Variants in MCC observed in about 807,000 individuals in gnomAD.
MCC encodes MCC regulator of Wnt signaling pathway, also known as colorectal mutant cancer protein.
Under a neutral mutation model 116.2 loss-of-function variants are expected in MCC, and 90 were observed. The observed-to-expected ratio is 0.77, with a 90% CI of 0.65 to 0.92. The LOEUF is 0.92. Among genes scored for constraint, MCC ranks in the 40% least tolerant of loss-of-function variants. The probability of loss-of-function intolerance (pLI) is 0.00; values close to 1 mark genes in which losing one functional copy is unlikely to be tolerated. For synonymous variants in MCC, 578 were observed against 510.5 expected (o/e 1.13, Z -1.78); for missense variants, 1,516 against 1,312.2 (o/e 1.16, Z -2.40).
intron 17 of MCC, among the ~76,000 whole-genome samples, chr5:113,038,546 A>T (rs554816663): frequency 1.4e-4 from 21 of 152,234 alleles, no homozygotes; most frequent in Admixed American, 1.3e-3. Flanking sequence ...GAGGATGGGA[A>T]CATCCGGATC....
chr5:113,261,911 A>C (rs1336336494), intron 3 of MCC, among the ~76,000 whole-genome samples: 1 of 152,152 alleles, frequency 6.6e-6, no homozygotes, highest in Non-Finnish European at 1.5e-5. Context: ...CCTAAAAGCT[A>C]TTTTCATTAA....
chr5:113,409,749 C>T (rs1031140524), intron 1 of MCC, among the ~76,000 whole-genome samples: 1 of 152,112 alleles, frequency 6.6e-6, no homozygotes, highest in Non-Finnish European at 1.5e-5. Context: ...CTCTCTCATT[C>T]CCACCCCACT....
intron 1 of MCC, among the ~76,000 whole-genome samples, 196 bp downstream of exon 1, chr5:113,488,049 C>T (rs987455203): frequency 5.9e-5 from 9 of 152,106 alleles, no homozygotes; most frequent in Non-Finnish European, 8.8e-5. Context: ...CAACTGGCAC[C>T]CCCGCAAGGC....
chr5:113,188,777 T>G (rs570873962), intron 3 of MCC, among the ~76,000 whole-genome samples: 2 of 152,216 alleles, frequency 1.3e-5, no homozygotes, highest in African/African-American at 4.8e-5. Flanking sequence ...AAGAATAATG[T>G]GCCCAGGGCC....
chr5:113,237,325 A>C (rs909877963), intron 3 of MCC, among the ~76,000 whole-genome samples: 1 of 152,214 alleles, frequency 6.6e-6, no homozygotes, highest in Non-Finnish European at 1.5e-5. Context: ...TAATACCACA[A>C]AAATTTCTGA....
At chr5:113,199,283 G>A (rs1762574401) in intron 3 of MCC, among the ~76,000 whole-genome samples, 1 of 152,148 alleles carries the variant, frequency 6.6e-6, no homozygotes, top group African/African-American at 2.4e-5. Flanking sequence ...TCTGAGGTCC[G>A]AGTGTAAATA....
intron 4 of MCC, among the ~76,000 whole-genome samples, chr5:113,149,743 T>C (rs1198734511): frequency 6.6e-6 from 1 of 152,092 alleles, no homozygotes; most frequent in Non-Finnish European, 1.5e-5. Flanking sequence ...AACAAAGCAC[T>C]TACACAGTAA....
intron 2 of MCC, among the ~76,000 whole-genome samples, chr5:113,383,326 T>C (rs1313024257): frequency 1.3e-5 from 2 of 152,314 alleles, no homozygotes; most frequent in East Asian, 1.9e-4. Context: ...AATCTGAAAA[T>C]ACAGCTTAGC....
At chr5:113,431,505 G>T (rs927085460) in intron 1 of MCC, among the ~76,000 whole-genome samples, 4 of 152,082 alleles carry the variant, frequency 2.6e-5, no homozygotes, top group Non-Finnish European at 5.9e-5. Flanking sequence ...TCCAAGCAAG[G>T]TCACATCTTG....
intron 5 of MCC, among the ~76,000 whole-genome samples, chr5:113,139,036 C>T (rs1184072735): frequency 6.6e-6 from 1 of 152,086 alleles, no homozygotes; most frequent in African/African-American, 2.4e-5. Context: ...CTTTAGTAGG[C>T]TGCCCATTTA....
At chr5:113,217,069 T>C (rs779277140) in intron 3 of MCC, among the ~76,000 whole-genome samples, 26 of 152,254 alleles carry the variant, frequency 1.7e-4, no homozygotes, top group Non-Finnish European at 3.4e-4. Flanking sequence ...AGCTATGTTA[T>C]AGCATCACAC....
At chr5:113,269,335 G>T (rs571924806) in intron 3 of MCC, 2 of 349,238 alleles carry the variant, frequency 5.7e-6, no homozygotes, top group Non-Finnish European at 8.0e-6. Context: ...TACCTTAACT[G>T]ATAAAGAATG....
In MCC at chr5:113,178,761, C is replaced by G. The variant is rs1761463778; in HGVS notation, c.628-27339G>C. Among the ~76,000 whole-genome samples, 3 of 152,318 alleles carry G rather than the reference C, an allele frequency of 2.0e-5. No homozygotes were observed. In the South Asian group the frequency reaches 6.2e-4, roughly 32 times the overall value. On this transcript the variant is annotated intron_variant, in intron 3 of 18. Transcript: ENST00000408903. The stretch of plus-strand genomic sequence containing the variant: ...ATAATAAAATCCTCAAAAATACCCA[C>G]TCTTAATTAACATGTTCTATTTTCT...
At chr5:113,184,479 G>GT (rs11303638) in intron 3 of MCC, among the ~76,000 whole-genome samples, 2,599 of 115,056 alleles carry the variant, frequency 0.023, 91 homozygotes, top group African/African-American at 0.068. Flanking sequence ...TTCGTTTTTT[G>GT]TTTTTTTTTT....
chr5:113,141,587 T>A (rs570444217), intron 5 of MCC, among the ~76,000 whole-genome samples: 22 of 152,316 alleles, frequency 1.4e-4, no homozygotes, highest in African/African-American at 5.1e-4. Flanking sequence ...CTTTGTCTCA[T>A]TGGTCTACAC....
At chr5:113,085,813 T>G (rs145520407) in intron 8 of MCC, among the ~76,000 whole-genome samples, 116 of 152,294 alleles carry the variant, frequency 7.6e-4, no homozygotes, top group African/African-American at 2.6e-3. Flanking sequence ...TGCCTCAGCC[T>G]CCTGAGCAGC....
chr5:113,122,194 A>G (rs1581106634), intron 6 of MCC, among the ~76,000 whole-genome samples: 1 of 152,186 alleles, frequency 6.6e-6, no homozygotes, highest in African/African-American at 2.4e-5. Context: ...TAATATGACT[A>G]TTTCCCAACT....
chr5:113,289,018 C>T (rs553982081), intron 3 of MCC, among the ~76,000 whole-genome samples: 135 of 152,116 alleles, frequency 8.9e-4, no homozygotes, highest in African/African-American at 3.2e-3. Context: ...AAAACCATTG[C>T]CAGGCATTGG....
At chr5:113,391,791 G>C (rs977879238) in intron 1 of MCC, among the ~76,000 whole-genome samples, 66 of 152,032 alleles carry the variant, frequency 4.3e-4, no homozygotes, top group African/African-American at 1.5e-3. Flanking sequence ...CGGAAGAAAT[G>C]ATCAGGAGAA....
Sources: gnomAD v4.1 joint callset for allele counts (sites outside exome capture counted in the v4.1 genomes callset) on GRCh38, gnomAD v4.1.1 for gene constraint, MANE v1.5 for transcripts, NCBI Gene and HGNC (gene_info 2026-07-23, HGNC 2026-07-21) for gene names.